Variants in TTYH3 observed in about 807,000 individuals in gnomAD.
TTYH3 encodes protein tweety homolog 3.
A neutral mutation model predicts 68.2 loss-of-function variants in TTYH3; 23 were observed. The ratio of observed to expected loss-of-function variants is 0.34; its 90% CI spans 0.24 to 0.48. TTYH3 has a LOEUF of 0.48. TTYH3 is among the 20% of genes least tolerant of loss of function. TTYH3 has a pLI of 0.99. For missense variants in TTYH3, 768 were observed against 727.7 expected, an observed-to-expected ratio of 1.06 and a Z score of -0.64; for synonymous variants, 360 against 332.8, an observed-to-expected ratio of 1.08 and a Z score of -0.89.
intron 1 of TTYH3, among the ~76,000 whole-genome samples, chr7:2,639,270 G>C (rs1179789404): frequency 6.6e-6 from 1 of 152,194 alleles, no homozygotes; most frequent in East Asian, 1.9e-4. Context: ...GCTCAGGCCA[G>C]GGCCTGGCTG....
chr7:2,639,380 C>T (rs1224192325), intron 1 of TTYH3, among the ~76,000 whole-genome samples: 1 of 152,212 alleles, frequency 6.6e-6, no homozygotes, highest in Non-Finnish European at 1.5e-5. Context: ...AGAGTGCCCT[C>T]CCCCACCTGT....
chr7:2,632,970 C>T (rs1161140896), intron 1 of TTYH3, among the ~76,000 whole-genome samples: 2 of 152,136 alleles, frequency 1.3e-5, no homozygotes, highest in Non-Finnish European at 2.9e-5. Context: ...CAGGAAGCAC[C>T]GTGGGCCTCA....
At chr7:2,632,319 G>T in intron 1 of TTYH3, 41 bp downstream of exon 1, 2 of 1,518,124 alleles carry the variant, frequency 1.3e-6, no homozygotes, top group South Asian at 2.4e-5. Context: ...AGGGACCCCA[G>T]GTCACGGCCC....
At chr7:2,652,125 C>A in intron 7 of TTYH3, 62 bp from the exon 8 acceptor site, 2 of 1,429,176 alleles carry the variant, frequency 1.4e-6, no homozygotes, top group Non-Finnish European at 2.0e-6. Flanking sequence ...CACAGGCAGA[C>A]GTGCACGCAG....
intron 6 of TTYH3, 78 bp downstream of exon 6, chr7:2,649,717 C>T: frequency 1.3e-6 from 2 of 1,522,852 alleles, no homozygotes; most frequent in South Asian, 2.3e-5. Flanking sequence ...CCACACTCCT[C>T]TCCCCTCCCA....
chr7:2,640,830 CCCTT>C (rs1278933488), intron 1 of TTYH3, among the ~76,000 whole-genome samples: 1 of 152,206 alleles, frequency 6.6e-6, no homozygotes, highest in African/African-American at 2.4e-5. Context: ...ACTGGGCCCT[CCCTT>C]CTCCAAGCAG....
intron 13 of TTYH3, chr7:2,659,868 C>G: frequency 2.4e-6 from 3 of 1,268,064 alleles, no homozygotes; most frequent in Non-Finnish European, 3.1e-6. Context: ...CTCCTGGCCC[C>G]ACACCCTGGC....
chr7:2,650,165 C>T (rs1184513551), intron 7 of TTYH3, among the ~76,000 whole-genome samples, 177 bp downstream of exon 7: 1 of 152,214 alleles, frequency 6.6e-6, no homozygotes, highest in African/African-American at 2.4e-5. Context: ...GTGGGAGGCT[C>T]TGCAAAGAAT....
chr7:2,643,623 C>T (rs972622408), intron 1 of TTYH3, among the ~76,000 whole-genome samples: 4 of 152,236 alleles, frequency 2.6e-5, no homozygotes, highest in Admixed American at 6.5e-5. Context: ...ATCTGAGGGA[C>T]GGGCTTGCCT....
At chr7:2,646,249 A>G (rs950176379) in intron 1 of TTYH3, among the ~76,000 whole-genome samples, 7 of 152,146 alleles carry the variant, frequency 4.6e-5, no homozygotes, top group Admixed American at 3.3e-4. Context: ...TCCTGACCTC[A>G]GGTGATCCGC....
rs1055547205 is a variant in TTYH3, at chr7:2,647,407, G to T, written c.406-11G>T. ...CGCGCTCCCAGCCTCACGCCCGCGGGTCCGGCGCAGGTGTGGGACACGGCG... is the reference window on the plus strand; with the variant it reads ...CGCGCTCCCAGCCTCACGCCCGCGGTTCCGGCGCAGGTGTGGGACACGGCG... On this transcript the variant is annotated splice_polypyrimidine_tract_variant and intron_variant, in intron 3 of 13. Transcript: ENST00000258796. The T allele has an allele frequency of 1.3e-5, 19 of 1,484,900 alleles. 1 individual carries two copies. In the African/African-American group the frequency reaches 2.4e-4, roughly 19 times the overall value. The allele number at this position is 1,484,900 out of a possible 1,614,324, so 92.0% of individuals were successfully genotyped here. A position where few individuals can be genotyped will look rare whatever the true frequency, so the allele number is the denominator to read the frequency against.
chr7:2,656,305 C>T (rs1338744080), intron 10 of TTYH3, 93 bp from the exon 11 acceptor site: 37 of 1,562,652 alleles, frequency 2.4e-5, no homozygotes, highest in Middle Eastern at 3.4e-4. Context: ...CTCTGGGGGG[C>T]GGTCCAGGCC....
intron 5 of TTYH3, among the ~76,000 whole-genome samples, chr7:2,649,292 C>T (rs1306385487): frequency 6.6e-6 from 1 of 152,038 alleles, no homozygotes; most frequent in Non-Finnish European, 1.5e-5. Context: ...GGAGAGGGAC[C>T]TGGGGGACAG....
At position 2,662,192 on chromosome 7, in the gene TTYH3, G is replaced by A. The variant is rs55930249; in HGVS notation, c.*453G>A. ...GCGCCTGCTGGCCACTGAGGGACAGGGACACGTGCCACCTGCTCATCTCTG... is the reference window on the plus strand; with the variant it reads ...GCGCCTGCTGGCCACTGAGGGACAGAGACACGTGCCACCTGCTCATCTCTG... On this transcript the variant is annotated 3_prime_UTR_variant, in exon 14 of 14. Transcript: ENST00000258796. 0.15 allele frequency: 42,134 copies of A among 280,484 alleles called. 3,385 individuals carry two copies. Among genetic ancestry groups the A allele is most frequent in the Admixed American group, 0.18 (3,681 of 20,656 alleles). 17.4% of individuals were successfully genotyped at this position (280,484 alleles called of 1,614,324 possible). A position where few individuals can be genotyped will look rare whatever the true frequency, so the allele number is the denominator to read the frequency against.
chr7:2,634,966 T>C (rs1245671478), intron 1 of TTYH3, among the ~76,000 whole-genome samples: 1 of 151,014 alleles, frequency 6.6e-6, no homozygotes, highest in Non-Finnish European at 1.5e-5. Flanking sequence ...TAGAAGCTGA[T>C]GGGGGCTGAG....
chr7:2,659,498 TCTTC>T (rs1786431986), intron 13 of TTYH3, among the ~76,000 whole-genome samples: 1 of 152,232 alleles, frequency 6.6e-6, no homozygotes, highest in African/African-American at 2.4e-5. Context: ...CTTTTCTTTT[TCTTC>T]CTTGAGTCTT....
chr7:2,652,160 T>G, intron 7 of TTYH3, 27 bp from the exon 8 acceptor site: 2 of 1,611,232 alleles, frequency 1.2e-6, no homozygotes, highest in Non-Finnish European at 1.7e-6. Context: ...CTGTTGCAGC[T>G]CAGCCTTCCC....
Position 2,658,316 on chromosome 7 carries a change from C to T in TTYH3, c.1281C>T (p.Ala427=), listed in dbSNP as rs539462840. 2.6e-5 allele frequency: 41 copies of T among 1,597,582 alleles called. No homozygotes were observed. Among genetic ancestry groups the T allele is most frequent in the South Asian group, 7.8e-5 (7 of 89,232 alleles). The change falls in exon 12 of 14, where the codon GCC becomes GCT. Residue 427 remains alanine, a synonymous_variant. Transcript: ENST00000258796. ...CTGATGAGGACGGGGAGGAGGAGGC[C>T]GCTCCAGGGCCGCGGCAGGCGCACG... ...RGPDEDGEEE[A]APGPRQAHDS...
At chr7:2,642,960 G>C (rs1324822702) in intron 1 of TTYH3, among the ~76,000 whole-genome samples, 3 of 151,718 alleles carry the variant, frequency 2.0e-5, no homozygotes, top group Non-Finnish European at 4.4e-5. Context: ...CTACTTGGGA[G>C]GCTGAGGCAG....
Sources: allele counts gnomAD v4.1 joint callset (sites outside exome capture counted in the v4.1 genomes callset), GRCh38; gene constraint gnomAD v4.1.1; transcripts MANE v1.5; gene names NCBI Gene and HGNC (gene_info 2026-07-23, HGNC 2026-07-21).